Variants in RBFOX1 observed in about 807,000 individuals in gnomAD.
RBFOX1 encodes RNA binding fox-1 homolog 1, also known as RNA binding protein fox-1 homolog 1.
Under a neutral mutation model 57.7 loss-of-function variants are expected in RBFOX1, and 8 were observed. That is an observed-to-expected ratio of 0.14 (90% CI 0.08 to 0.25). RBFOX1 has a LOEUF of 0.25. Ranked by LOEUF, RBFOX1 falls within the 10% of genes least tolerant of loss-of-function variation. The pLI is 1.00. For missense variants in RBFOX1, 611 were observed against 548.5 expected (o/e 1.11, Z -1.14); for synonymous variants, 326 against 222.4 (o/e 1.47, Z -4.15).
chr16:7,613,986 C>T (rs892724933), intron 10 of RBFOX1, among the ~76,000 whole-genome samples: 1 of 152,126 alleles, frequency 6.6e-6, no homozygotes, highest in South Asian at 2.1e-4. Context: ...GATGAAAGAG[C>T]ACAGTGTGGG....
At chr16:5,307,475 T>C (rs546824058) in intron 1 of RBFOX1, among the ~76,000 whole-genome samples, 1 of 152,192 alleles carries the variant, frequency 6.6e-6, no homozygotes, top group African/African-American at 2.4e-5. Flanking sequence ...GAAAAATGGA[T>C]TCTCTCTTAC....
At chr16:6,849,001 C>G (rs750387371) in intron 3 of RBFOX1, among the ~76,000 whole-genome samples, 1 of 152,180 alleles carries the variant, frequency 6.6e-6, no homozygotes, top group African/African-American at 2.4e-5. Flanking sequence ...TTCCAAAGCA[C>G]GTTTAGGTAG....
chr16:6,995,522 T>G (rs1011829917), intron 3 of RBFOX1, among the ~76,000 whole-genome samples: 6 of 152,104 alleles, frequency 3.9e-5, no homozygotes, highest in Admixed American at 3.3e-4. Flanking sequence ...CCCACTACTT[T>G]GGGAGGCCAA....
chr16:7,215,850 G>A (rs962628003), intron 4 of RBFOX1, among the ~76,000 whole-genome samples: 5 of 150,706 alleles, frequency 3.3e-5, no homozygotes, highest in East Asian at 4.0e-4. Flanking sequence ...TCAGCCTCCC[G>A]ATTAGCTGGG....
At chr16:7,134,819 G>T (rs1267348175) in intron 4 of RBFOX1, among the ~76,000 whole-genome samples, 17 of 152,194 alleles carry the variant, frequency 1.1e-4, no homozygotes, top group Non-Finnish European at 1.3e-4. Context: ...ATAGCATGCA[G>T]ATAATGTTTG....
At chr16:5,400,539 ATAT>A (rs2066686354) in intron 1 of RBFOX1, among the ~76,000 whole-genome samples, 1 of 152,218 alleles carries the variant, frequency 6.6e-6, no homozygotes, top group Non-Finnish European at 1.5e-5. Context: ...TGATTAAAAA[ATAT>A]TATCTCTTGA....
intron 4 of RBFOX1, among the ~76,000 whole-genome samples, chr16:5,874,582 A>T (rs2057558560): frequency 6.6e-6 from 1 of 152,174 alleles, no homozygotes; most frequent in Admixed American, 6.5e-5. Flanking sequence ...AGGAAGATAA[A>T]TTGAAACAGG....
intron 4 of RBFOX1, among the ~76,000 whole-genome samples, chr16:7,156,352 T>C (rs1362470684): frequency 6.6e-6 from 1 of 151,772 alleles, no homozygotes; most frequent in African/African-American, 2.4e-5. Context: ...TATCTGTACA[T>C]ATACATGCAC....
At chr16:7,522,682 C>A (rs2077767362) in intron 5 of RBFOX1, among the ~76,000 whole-genome samples, 1 of 152,002 alleles carries the variant, frequency 6.6e-6, no homozygotes, top group African/African-American at 2.4e-5. Flanking sequence ...CCAACAAGGT[C>A]CCTACGTGGG....
chr16:7,113,112 C>T (rs892565554), intron 4 of RBFOX1, among the ~76,000 whole-genome samples: 1 of 152,084 alleles, frequency 6.6e-6, no homozygotes, highest in Non-Finnish European at 1.5e-5. Flanking sequence ...GAACCACGGT[C>T]AATTCAAGTT....
chr16:5,315,261 C>T (rs184782111), intron 1 of RBFOX1, among the ~76,000 whole-genome samples: 7 of 152,212 alleles, frequency 4.6e-5, no homozygotes, highest in African/African-American at 9.6e-5. Context: ...GGGAGGAGGC[C>T]GTCCGTCTGT....
In RBFOX1 at chr16:5,916,865, G is replaced by C. The variant is rs77361867; in HGVS notation, c.351+49530G>C. 1.7e-3 allele frequency among the ~76,000 whole-genome samples: 265 copies of C among 152,244 alleles called. 1 individual carries two copies. Among genetic ancestry groups the C allele is most frequent in the African/African-American group, 6.1e-3 (252 of 41,550 alleles). Reference sequence around the variant, plus strand: ...TAGCCAGGAGAGAGAAAGCTCTCCTGACGGGGGAAAGCAGGTTTCCCAATG... The same window carrying C: ...TAGCCAGGAGAGAGAAAGCTCTCCTCACGGGGGAAAGCAGGTTTCCCAATG... On this transcript the variant is annotated intron_variant, in intron 4 of 19. Coordinates refer to the RBFOX1 transcript ENST00000641259.
intron 2 of RBFOX1, among the ~76,000 whole-genome samples, chr16:5,531,716 G>C (rs1449563881): frequency 1.3e-5 from 2 of 152,014 alleles, no homozygotes; most frequent in Non-Finnish European, 2.9e-5. Context: ...CACATAGCAA[G>C]AGCCCATTAA....
chr16:6,554,007 A>T (rs1408234818), intron 2 of RBFOX1, among the ~76,000 whole-genome samples: 1 of 151,820 alleles, frequency 6.6e-6, no homozygotes, highest in East Asian at 1.9e-4. Flanking sequence ...CAGACATATT[A>T]GGGATGAATA....
intron 4 of RBFOX1, among the ~76,000 whole-genome samples, chr16:7,191,867 C>G (rs947151144): frequency 2.6e-5 from 4 of 152,178 alleles, no homozygotes; most frequent in African/African-American, 9.6e-5. Context: ...CACCAGGCAA[C>G]TTTGAGGCAG....
At chr16:6,007,797 G>A (rs1054440699) in intron 4 of RBFOX1, among the ~76,000 whole-genome samples, 1 of 152,154 alleles carries the variant, frequency 6.6e-6, no homozygotes, top group Admixed American at 6.5e-5. Flanking sequence ...TGGGAACTTA[G>A]CCAAGAGGTG....
intron 1 of RBFOX1, among the ~76,000 whole-genome samples, chr16:5,437,661 A>G (rs1040176075): frequency 6.6e-6 from 1 of 152,238 alleles, no homozygotes; most frequent in African/African-American, 2.4e-5. Context: ...AATATTACAT[A>G]TGTAGTGTAA....
chr16:5,247,613 T>C (rs2062335076), intron 1 of RBFOX1, among the ~76,000 whole-genome samples: 1 of 152,198 alleles, frequency 6.6e-6, no homozygotes. Flanking sequence ...AATAAAGTTT[T>C]ATTGGAACAC....
At chr16:5,778,393 CCCT>C (rs892857037) in intron 3 of RBFOX1, among the ~76,000 whole-genome samples, 9 of 152,162 alleles carry the variant, frequency 5.9e-5, no homozygotes, top group Non-Finnish European at 8.8e-5. Flanking sequence ...CTGGCTTCAC[CCCT>C]AGTCCTTCAC....
Sources: allele counts gnomAD v4.1 joint callset (sites outside exome capture counted in the v4.1 genomes callset), GRCh38; gene constraint gnomAD v4.1.1; transcripts MANE v1.5; gene names NCBI Gene and HGNC (gene_info 2026-07-23, HGNC 2026-07-21).